CUX1: variants seen among roughly 807,000 people sequenced by gnomAD.
CUX1 encodes the protein protein CASP.
Under a neutral mutation model 158.8 loss-of-function variants are expected in CUX1, and 31 were observed. That is an observed-to-expected ratio of 0.20 (90% CI 0.15 to 0.26). The LOEUF is 0.26. Ranked by LOEUF, CUX1 falls within the 10% of genes least tolerant of loss-of-function variation. The pLI is 1.00. For synonymous variants in CUX1, 879 were observed against 862.1 expected (o/e 1.02, Z -0.34); for missense variants, 1,589 against 2,014.6 (o/e 0.79, Z 4.04).
intron 1 of CUX1, among the ~76,000 whole-genome samples, chr7:101,853,224 C>A (rs1435334280): frequency 2.0e-5 from 3 of 152,074 alleles, no homozygotes; most frequent in Non-Finnish European, 2.9e-5. Context: ...TATGCTCTTG[C>A]CTAAAATAAT....
intron 9 of CUX1, among the ~76,000 whole-genome samples, chr7:102,167,129 G>A (rs1022050958): frequency 3.9e-5 from 6 of 151,988 alleles, no homozygotes; most frequent in Admixed American, 1.3e-4. Flanking sequence ...TTAGCTGGGC[G>A]TGATGGCGGG....
chr7:102,212,675 C>T (rs563451252), intron 20 of CUX1, among the ~76,000 whole-genome samples: 2 of 151,806 alleles, frequency 1.3e-5, no homozygotes, highest in South Asian at 4.2e-4. Flanking sequence ...ACACCCCACC[C>T]CACCACCATC....
chr7:102,099,798 G>A (rs1829596242), intron 5 of CUX1, among the ~76,000 whole-genome samples: 1 of 151,984 alleles, frequency 6.6e-6, no homozygotes, highest in Admixed American at 6.6e-5. Context: ...GTGGGGCCTG[G>A]TGGGCTGTGC....
intron 18 of CUX1, among the ~76,000 whole-genome samples, chr7:102,279,548 A>T (rs1337936754): frequency 1.3e-5 from 2 of 152,054 alleles, no homozygotes; most frequent in African/African-American, 4.8e-5. Context: ...CGTGGGGCAT[A>T]GTGGGGCAGG....
intron 1 of CUX1, among the ~76,000 whole-genome samples, chr7:101,884,195 A>G (rs566238620): frequency 2.0e-5 from 3 of 152,132 alleles, no homozygotes; most frequent in Non-Finnish European, 4.4e-5. Context: ...CTTTTGGCCA[A>G]TTTTTAGTTA....
chr7:101,985,115 G>C (rs541641979), intron 2 of CUX1, among the ~76,000 whole-genome samples: 1 of 152,208 alleles, frequency 6.6e-6, no homozygotes, highest in East Asian at 1.9e-4. Flanking sequence ...TTAAATTGAT[G>C]TTTTATGTTG....
intron 3 of CUX1, among the ~76,000 whole-genome samples, chr7:102,052,335 C>T (rs1823616543): frequency 6.6e-6 from 1 of 152,172 alleles, no homozygotes; most frequent in Non-Finnish European, 1.5e-5. Context: ...CCCCATGTCT[C>T]TGTAGATTTG....
intron 5 of CUX1, among the ~76,000 whole-genome samples, chr7:102,098,976 TAAA>T (rs1829500397): frequency 6.6e-6 from 1 of 152,040 alleles, no homozygotes. Context: ...AAAGACTTTC[TAAA>T]AGTGTCCTTT....
chr7:102,259,660 G>A (rs768737693), downstream of CUX1, among the ~76,000 whole-genome samples: 3 of 151,190 alleles, frequency 2.0e-5, no homozygotes, highest in Admixed American at 6.6e-5. Flanking sequence ...GAAGTCTAAC[G>A]TGGTTAATTT....
intron 1 of CUX1, among the ~76,000 whole-genome samples, chr7:101,831,936 G>A (rs1344140496): frequency 6.6e-6 from 1 of 151,894 alleles, no homozygotes; most frequent in African/African-American, 2.4e-5. Context: ...TAGAGATGGG[G>A]GGGTCTCACT....
intron 3 of CUX1, among the ~76,000 whole-genome samples, chr7:102,064,778 G>A (rs934192074): frequency 3.3e-5 from 5 of 152,190 alleles, no homozygotes; most frequent in African/African-American, 1.2e-4. Flanking sequence ...GGAGGCTGCT[G>A]CTGTCCCCTC....
rs370250494 is a variant in CUX1 at position 102,274,347 on chromosome 7, G to A, written c.1450+37G>A. ...CCTGACCCATGGGAGGAGGGAGGAGGAGGGAAGAGGAGACAGGTGATACCG... is the reference window on the plus strand; with the variant it reads ...CCTGACCCATGGGAGGAGGGAGGAGAAGGGAAGAGGAGACAGGTGATACCG... On this transcript the variant is annotated intron_variant, in intron 16 of 22. Coordinates refer to the CUX1 transcript ENST00000292538. 27 of 1,565,756 alleles carry A rather than the reference G, an allele frequency of 1.7e-5. No individual in the cohort carries two copies. In the African/African-American group the frequency reaches 3.4e-4, roughly 20 times the overall value.
At position 102,083,711 on chromosome 7, in the gene CUX1, A is replaced by C. The variant is rs549639921; in HGVS notation, c.268+13294A>C. ...TAGATCAATTTGAGGAAAATTGACAACACTATTTATTCTTCCATAATATAT... is the reference window on the plus strand; with the variant it reads ...TAGATCAATTTGAGGAAAATTGACACCACTATTTATTCTTCCATAATATAT... On this transcript the variant is annotated intron_variant, in intron 4 of 23. Transcript: ENST00000292535. Among the ~76,000 whole-genome samples, 2 of 147,046 alleles carry C rather than the reference A, an allele frequency of 1.4e-5. 1 individual carries two copies. Among genetic ancestry groups the C allele is most frequent in the South Asian group, 4.4e-4 (2 of 4,570 alleles).
chr7:102,158,459 C>G, intron 8 of CUX1, 101 bp from the exon 9 acceptor site: 15 of 1,185,266 alleles, frequency 1.3e-5, no homozygotes, highest in Non-Finnish European at 1.9e-5. Context: ...CACGGGTCTG[C>G]ACAGCCCTTC....
chr7:102,066,565 G>A (rs1825571145), intron 3 of CUX1, among the ~76,000 whole-genome samples: 2 of 152,144 alleles, frequency 1.3e-5, no homozygotes, highest in Non-Finnish European at 2.9e-5. Context: ...AGGAGACGCA[G>A]CCACCCGGTA....
At position 102,254,714 on chromosome 7, in the gene CUX1, G is replaced by A; in HGVS notation, c.*5672G>A. On this transcript the variant is annotated 3_prime_UTR_variant, in exon 24 of 24. Coordinates refer to ENST00000292535, the MANE Select transcript of CUX1 (RefSeq NM_181552.4). Reference sequence around the variant, plus strand: ...CCTGGGCATCGACGACATTAGGGAAGCCTTTGTGACCACAAGGGCAGGGCT... The same window carrying A: ...CCTGGGCATCGACGACATTAGGGAAACCTTTGTGACCACAAGGGCAGGGCT... The A allele has an allele frequency of 1.0e-6, 1 of 985,536 alleles. No individual in the cohort carries two copies. 61.0% of individuals were successfully genotyped at this position (985,536 alleles called of 1,614,324 possible).
At chr7:101,953,002 G>C (rs529367613) in intron 2 of CUX1, among the ~76,000 whole-genome samples, 111 of 152,348 alleles carry the variant, frequency 7.3e-4, no homozygotes, top group Non-Finnish European at 1.3e-3. Context: ...TGAAGGAGCA[G>C]AGGGACCCCT....
intron 2 of CUX1, among the ~76,000 whole-genome samples, chr7:101,939,055 ATACATATATATATATAT>A (rs1470304819): frequency 1.4e-4 from 11 of 77,464 alleles, no homozygotes; most frequent in Non-Finnish European, 2.0e-4. Context: ...AAAAAAAAAA[ATACATATATATATATAT>A]ATATATATAT....
chr7:102,202,919 T>C (rs1005935843), intron 18 of CUX1, among the ~76,000 whole-genome samples: 3 of 152,148 alleles, frequency 2.0e-5, no homozygotes, highest in Non-Finnish European at 4.4e-5. Context: ...AGAATGAGGG[T>C]TAACCGTGCC....
Sources: gnomAD v4.1 joint callset for allele counts (sites outside exome capture counted in the v4.1 genomes callset) on GRCh38, gnomAD v4.1.1 for gene constraint, MANE v1.5 for transcripts, NCBI Gene and HGNC (gene_info 2026-07-23, HGNC 2026-07-21) for gene names.